MRAP: variants seen among roughly 807,000 people sequenced by gnomAD.
MRAP encodes the protein melanocortin 2 receptor accessory protein.
Under a neutral mutation model 8.7 loss-of-function variants are expected in MRAP, and 8 were observed. The observed-to-expected ratio is 0.92, with a 90% CI of 0.54 to 1.66. MRAP has a LOEUF of 1.66. Among genes scored for constraint, MRAP ranks in the 40% most tolerant of loss-of-function variants. The pLI is 0.00. For synonymous variants in MRAP, 95 were observed against 95.5 expected (o/e 1.00, Z 0.03); for missense variants, 237 against 217.1 (o/e 1.09, Z -0.58).
At chr21:32,314,724 A>G (rs2032653107), downstream of MRAP, 5 of 1,517,836 alleles carry the variant, frequency 3.3e-6, no homozygotes, top group African/African-American at 1.4e-5. Flanking sequence ...GGGCACCTAC[A>G]GGCCCGAGTT....
chr21:32,298,698 C>T (rs1026420581), upstream of MRAP, among the ~76,000 whole-genome samples: 11 of 152,314 alleles, frequency 7.2e-5, no homozygotes, highest in South Asian at 4.1e-4. Context: ...CCTGGAAAGC[C>T]GTTCTCCTGC....
chr21:32,305,636 G>T (rs984675007), intron 1 of MRAP, among the ~76,000 whole-genome samples: 1 of 152,094 alleles, frequency 6.6e-6, no homozygotes, highest in African/African-American at 2.4e-5. Context: ...CTCGCAAAAG[G>T]CGCTCAATGA....
chr21:32,305,083 C>T (rs1238573438), intron 1 of MRAP, among the ~76,000 whole-genome samples: 4 of 150,794 alleles, frequency 2.7e-5, no homozygotes, highest in Non-Finnish European at 5.9e-5. Context: ...AGTGATCCTC[C>T]GACCCCAGCC....
At chr21:32,299,149 C>A in intron 1 of MRAP, 72 bp downstream of exon 1, 2 of 1,166,470 alleles carry the variant, frequency 1.7e-6, no homozygotes, top group Non-Finnish European at 2.5e-6. Context: ...GCACTCCCGG[C>A]TTTCTCTGCA....
At chr21:32,314,463 G>A (rs1229524996), downstream of MRAP, 6 of 1,236,550 alleles carry the variant, frequency 4.9e-6, no homozygotes, top group Admixed American at 1.1e-4. Context: ...GGGATTATAG[G>A]CGTGAGCCAC....
intron 1 of MRAP, among the ~76,000 whole-genome samples, chr21:32,302,365 T>C (rs545477719): frequency 2.0e-5 from 3 of 152,332 alleles, no homozygotes; most frequent in African/African-American, 7.2e-5. Flanking sequence ...CCTGTAAGTA[T>C]TTGATGAATA....
At chr21:32,297,439 C>T (rs2032159742), upstream of MRAP, among the ~76,000 whole-genome samples, 1 of 152,156 alleles carries the variant, frequency 6.6e-6, no homozygotes, top group African/African-American at 2.4e-5. Context: ...CAGAGAACTT[C>T]CAAGTTGGTG....
chr21:32,300,484 C>T (rs1294921160), intron 1 of MRAP, among the ~76,000 whole-genome samples: 26 of 150,904 alleles, frequency 1.7e-4, no homozygotes, highest in African/African-American at 3.2e-4. Flanking sequence ...GGGCGCCATG[C>T]GTCCTATGTC....
Position 32,304,965 on chromosome 21 carries a change from G to GTTTT in MRAP, c.107-1653_107-1650dup, listed in dbSNP as rs537525538. The stretch of plus-strand genomic sequence containing the variant: ...TTGAGGGGGATTTGTTTTTTTTGTT[G>GTTTT]TTTTTTTTTTTTTTTTTTTTTTTTT... On this transcript the variant is annotated intron_variant, in intron 1 of 2. Transcript: ENST00000303645. Among the ~76,000 whole-genome samples the GTTTT allele has an allele frequency of 6.4e-3, 503 of 78,034 alleles. 14 individuals are homozygous for GTTTT. The highest frequency in any genetic ancestry group is 0.018 in the African/African-American group (385 of 20,950). 51.2% of individuals were successfully genotyped at this position (78,034 alleles called of 152,430 possible). A position where few individuals can be genotyped will look rare whatever the true frequency, so the allele number is the denominator to read the frequency against.
At chr21:32,297,479 C>G (rs923362366), upstream of MRAP, among the ~76,000 whole-genome samples, 1 of 152,206 alleles carries the variant, frequency 6.6e-6, no homozygotes, top group East Asian at 1.9e-4. Flanking sequence ...AGGGTGTGCA[C>G]CTGGATCAGG....
At chr21:32,300,793 T>A (rs2032268288) in intron 1 of MRAP, among the ~76,000 whole-genome samples, 1 of 133,674 alleles carries the variant, frequency 7.5e-6, no homozygotes, top group Non-Finnish European at 1.6e-5. Flanking sequence ...GTCGGATGTG[T>A]CATGCATCCT....
chr21:32,296,780 A>T (rs936022424), upstream of MRAP, among the ~76,000 whole-genome samples: 9 of 152,290 alleles, frequency 5.9e-5, no homozygotes, highest in East Asian at 5.8e-4. Flanking sequence ...AGATTTTTTT[A>T]AAAATAGTAC....
intron 2 of MRAP, chr21:32,311,477 T>C (rs2032569573): frequency 1.7e-5 from 6 of 346,336 alleles, no homozygotes; most frequent in African/African-American, 4.7e-5. Context: ...TGAGGCCTAG[T>C]TCCTGACAAA....
chr21:32,292,401 T>G (rs2032065212), intron 1 of MRAP, among the ~76,000 whole-genome samples: 1 of 152,230 alleles, frequency 6.6e-6, no homozygotes, highest in African/African-American at 2.4e-5. Flanking sequence ...TTTATCAAAG[T>G]TATGCAAATT....
chr21:32,303,718 TCTAA>T (rs995264479), intron 1 of MRAP, among the ~76,000 whole-genome samples: 4 of 152,226 alleles, frequency 2.6e-5, no homozygotes, highest in Non-Finnish European at 4.4e-5. Flanking sequence ...CCTAGGGATG[TCTAA>T]CTATTTCTGA....
At chr21:32,311,421 C>G (rs755591006) in intron 2 of MRAP, 3 of 302,832 alleles carry the variant, frequency 9.9e-6, no homozygotes, top group Non-Finnish European at 1.8e-5. Flanking sequence ...CCCCACCCCC[C>G]CCATCCTAAA....
chr21:32,305,341 CCTG>C lies in MRAP; in HGVS notation c.107-1296_107-1294del, dbSNP rs369883402. 4.5e-4 allele frequency among the ~76,000 whole-genome samples: 68 copies of C among 152,168 alleles called. No homozygotes were observed. In the East Asian group the frequency reaches 9.5e-3, roughly 21 times the overall value. On this transcript the variant is annotated intron_variant, in intron 1 of 2. Coordinates refer to ENST00000303645, the MANE Select transcript of MRAP (RefSeq NM_001379228.1). The stretch of plus-strand genomic sequence containing the variant: ...CAACTCTTATGAGTCCTCAGTTTTT[CCTG>C]CTATCTCTCAGGGGTCGTAGATGGC...
At chr21:32,300,750 T>C (rs2032264230) in intron 1 of MRAP, among the ~76,000 whole-genome samples, 2 of 142,470 alleles carry the variant, frequency 1.4e-5, no homozygotes, top group Non-Finnish European at 3.0e-5. Flanking sequence ...CAGTGTGTCG[T>C]GCGTCCTATG....
chr21:32,310,553 G>C (rs538963968), intron 2 of MRAP, among the ~76,000 whole-genome samples: 1 of 152,310 alleles, frequency 6.6e-6, no homozygotes, highest in Admixed American at 6.5e-5. Context: ...AAGGCAGCTG[G>C]GAAGTGGTGG....
Sources: gnomAD v4.1 joint callset for allele counts (sites outside exome capture counted in the v4.1 genomes callset) on GRCh38, gnomAD v4.1.1 for gene constraint, MANE v1.5 for transcripts, NCBI Gene and HGNC (gene_info 2026-07-23, HGNC 2026-07-21) for gene names.